Variants in ATP8B4 observed in about 807,000 individuals in gnomAD.
ATP8B4 encodes the protein ATPase phospholipid transporting 8B4 (putative), also known as probable phospholipid-transporting ATPase IM.
ATP8B4 carries 133 observed loss-of-function variants against 145.6 expected under a neutral mutation model. That is an observed-to-expected ratio of 0.91 (90% confidence interval 0.79 to 1.05). The LOEUF (loss-of-function observed/expected upper bound fraction) is 1.05, where lower values mean the gene tolerates loss of function less well. Ranked by LOEUF, ATP8B4 falls within the 50% of genes least tolerant of loss-of-function variation. The pLI is 0.00. For synonymous variants in ATP8B4, 507 were observed against 492.9 expected (o/e 1.03, Z -0.38); for missense variants, 1,458 against 1,425.2 (o/e 1.02, Z -0.37).
intron 16 of ATP8B4, among the ~76,000 whole-genome samples, chr15:49,925,670 T>C (rs965261937): frequency 6.6e-6 from 1 of 152,180 alleles, no homozygotes; most frequent in African/African-American, 2.4e-5. Context: ...CAGTACAATT[T>C]TCTGATTCAA....
chr15:49,902,532 G>A (rs78502640), intron 20 of ATP8B4, among the ~76,000 whole-genome samples: 2,116 of 152,268 alleles, frequency 0.014, 26 homozygotes, highest in Non-Finnish European at 0.019. Flanking sequence ...GGAACCCAGA[G>A]GTCACATGGT....
At chr15:49,999,588 CTTCA>C (rs2047721247) in intron 8 of ATP8B4, among the ~76,000 whole-genome samples, 1 of 151,980 alleles carries the variant, frequency 6.6e-6, no homozygotes, top group African/African-American at 2.4e-5. Flanking sequence ...TGATTAATGC[CTTCA>C]TTGTCATTCC....
intron 2 of ATP8B4, 45 bp downstream of exon 2, chr15:50,106,894 T>C (rs1291126129): frequency 1.9e-6 from 3 of 1,552,372 alleles, no homozygotes; most frequent in Admixed American, 3.9e-5. Flanking sequence ...TAAAATTATA[T>C]TTTTAAAATA....
chr15:50,049,017 G>C (rs1246971670), intron 3 of ATP8B4, among the ~76,000 whole-genome samples: 1 of 152,148 alleles, frequency 6.6e-6, no homozygotes, highest in African/African-American at 2.4e-5. Context: ...ACTTGAGACA[G>C]GGGCAGTAAT....
intron 1 of ATP8B4, among the ~76,000 whole-genome samples, chr15:50,177,317 T>C (rs2044778296): frequency 6.6e-6 from 1 of 152,214 alleles, no homozygotes; most frequent in Non-Finnish European, 1.5e-5. Flanking sequence ...GCATGACAGA[T>C]AAAGACTCAA....
At chr15:50,052,653 G>A (rs184418867) in intron 3 of ATP8B4, among the ~76,000 whole-genome samples, 148 of 152,298 alleles carry the variant, frequency 9.7e-4, no homozygotes, top group Non-Finnish European at 1.4e-3. Flanking sequence ...CACACCAGTA[G>A]AGAACCCTCC....
intron 10 of ATP8B4, among the ~76,000 whole-genome samples, chr15:49,983,856 C>T (rs187299166): frequency 6.6e-6 from 1 of 152,330 alleles, no homozygotes; most frequent in East Asian, 1.9e-4. Flanking sequence ...TTTTTGACCT[C>T]ACTTTCCTTA....
chr15:50,070,114 A>G (rs1393548780), intron 3 of ATP8B4, among the ~76,000 whole-genome samples: 2 of 152,226 alleles, frequency 1.3e-5, no homozygotes, highest in Admixed American at 1.3e-4. Context: ...TGCCTTTCAT[A>G]TGGTGAGCCC....
chr15:50,095,176 T>C (rs2055888629), intron 2 of ATP8B4, among the ~76,000 whole-genome samples: 2 of 152,002 alleles, frequency 1.3e-5, no homozygotes, highest in Admixed American at 1.3e-4. Context: ...CCTTCCCTGG[T>C]GAAGCTCATA....
In ATP8B4 at chr15:50,149,798, A is replaced by T. The variant is rs1434400514; in HGVS notation, c.-43+32463T>A. Among the ~76,000 whole-genome samples, 3 of 152,268 alleles carry T rather than the reference A, an allele frequency of 2.0e-5. No homozygotes were observed. The East Asian group carries it at 5.8e-4, about 29-fold the overall frequency. On this transcript the variant is annotated intron_variant, in intron 1 of 3. Coordinates refer to the ATP8B4 transcript ENST00000558829. The stretch of plus-strand genomic sequence containing the variant: ...GGAAGACAAAGGCTTTTAAGAGAAA[A>T]ATTAAGAAAATTTCATAGTTGGCCG...
At chr15:49,942,061 TA>T (rs2042203128) in intron 14 of ATP8B4, among the ~76,000 whole-genome samples, 1 of 151,988 alleles carries the variant, frequency 6.6e-6, no homozygotes, top group Non-Finnish European at 1.5e-5. Flanking sequence ...GGGAAGAGGG[TA>T]AGCGATAAAA....
In ATP8B4 at chr15:49,930,859, T is replaced by A. The variant is rs115502797; in HGVS notation, c.1642+260A>T. Among the ~76,000 whole-genome samples, 913 of 152,160 alleles carry A rather than the reference T, an allele frequency of 6.0e-3. 14 individuals carry two copies. Among genetic ancestry groups the A allele is most frequent in the African/African-American group, 0.021 (888 of 41,528 alleles). On this transcript the variant is annotated intron_variant, in intron 16 of 27. Transcript: ENST00000284509. ...GCATTTTTGTGGTTTATTTTTAAAA[T>A]TTTTTTATATTTTTATTGATACATT... is the stretch of plus-strand genomic sequence containing the variant.
At chr15:49,968,579 C>G (rs1207131606) in intron 13 of ATP8B4, among the ~76,000 whole-genome samples, 2 of 152,088 alleles carry the variant, frequency 1.3e-5, no homozygotes, top group African/African-American at 2.4e-5. Flanking sequence ...GTTAACTATC[C>G]TAAATATATA....
chr15:50,007,570 A>G (rs1233751135), intron 7 of ATP8B4, among the ~76,000 whole-genome samples: 1 of 152,202 alleles, frequency 6.6e-6, no homozygotes. Context: ...AATCACATGA[A>G]GTGCTTGTTA....
chr15:50,092,557 G>A (rs2055677827), intron 2 of ATP8B4, among the ~76,000 whole-genome samples: 1 of 151,846 alleles, frequency 6.6e-6, no homozygotes, highest in Non-Finnish European at 1.5e-5. Context: ...GAAAACTCTA[G>A]AATTTGAAAA....
At chr15:49,959,708 A>C (rs1468107424) in intron 14 of ATP8B4, among the ~76,000 whole-genome samples, 2 of 152,156 alleles carry the variant, frequency 1.3e-5, no homozygotes, top group Non-Finnish European at 2.9e-5. Context: ...CAATAACCCC[A>C]AAAATTAATT....
intron 14 of ATP8B4, among the ~76,000 whole-genome samples, chr15:49,949,060 G>T (rs2042831257): frequency 6.6e-6 from 1 of 152,098 alleles, no homozygotes; most frequent in African/African-American, 2.4e-5. Context: ...GTGCTGTTTT[G>T]GTTATGGTAG....
At chr15:50,100,901 A>G (rs2056313493) in intron 2 of ATP8B4, among the ~76,000 whole-genome samples, 1 of 152,206 alleles carries the variant, frequency 6.6e-6, no homozygotes, top group African/African-American at 2.4e-5. Flanking sequence ...CAATTAACTA[A>G]TTAATGTGTC....
At chr15:50,053,480 A>G (rs771272103) in intron 3 of ATP8B4, among the ~76,000 whole-genome samples, 2 of 152,214 alleles carry the variant, frequency 1.3e-5, no homozygotes, top group Non-Finnish European at 2.9e-5. Context: ...AAGGAAATTC[A>G]GTTTATTTAC....
Sources: gnomAD v4.1 joint callset for allele counts (sites outside exome capture counted in the v4.1 genomes callset) on GRCh38, gnomAD v4.1.1 for gene constraint, MANE v1.5 for transcripts, NCBI Gene and HGNC (gene_info 2026-07-23, HGNC 2026-07-21) for gene names.